The following SV2B variants were observed in gnomAD, a reference collection of about 807,000 sequenced individuals.
SV2B encodes synaptic vesicle glycoprotein 2B, also known as solute carrier family 22 member B2.
In SV2B, 41 loss-of-function variants were observed where a neutral mutation model predicts 73.9. That is an observed-to-expected ratio of 0.56 (90% confidence interval 0.43 to 0.72). The LOEUF (loss-of-function observed/expected upper bound fraction) is 0.72, where lower values mean the gene tolerates loss of function less well. Ranked by LOEUF, SV2B falls within the 30% of genes least tolerant of loss-of-function variation. SV2B has a pLI of 0.00. For synonymous variants in SV2B, 314 were observed against 314.2 expected, an observed-to-expected ratio of 1.00 and a Z score of 0.01; for missense variants, 764 against 857.8, an observed-to-expected ratio of 0.89 and a Z score of 1.37.
At chr15:91,262,212 A>G (rs2047932375) in intron 6 of SV2B, among the ~76,000 whole-genome samples, 2 of 152,190 alleles carry the variant, frequency 1.3e-5, no homozygotes, top group Admixed American at 1.3e-4. Context: ...GGATAATCAT[A>G]TCTATATATG....
intron 9 of SV2B, among the ~76,000 whole-genome samples, chr15:91,275,046 A>G (rs1567422724): frequency 6.6e-6 from 1 of 152,030 alleles, no homozygotes; most frequent in Non-Finnish European, 1.5e-5. Context: ...CTTGTAATTA[A>G]TATATAGTTA....
At chr15:91,194,385 A>C (rs2045164609) in intron 1 of SV2B, among the ~76,000 whole-genome samples, 1 of 152,166 alleles carries the variant, frequency 6.6e-6, no homozygotes, top group African/African-American at 2.4e-5. Flanking sequence ...TTTGGGCATA[A>C]TTGGGTTGCT....
intron 1 of SV2B, chr15:91,102,246 T>C (rs1217942561): frequency 1.3e-5 from 2 of 152,212 alleles, no homozygotes; most frequent in Admixed American, 6.5e-5. Context: ...TACATGCGCC[T>C]ACATCATCAT....
In SV2B at chr15:91,224,601, G is replaced by A. The variant is rs2046316040; in HGVS notation, c.-391-1272G>A. Among the ~76,000 whole-genome samples the A allele has an allele frequency of 6.6e-6, 1 of 152,206 alleles. No individual in the cohort carries two copies. The highest frequency in any genetic ancestry group is 1.5e-5 in the Non-Finnish European group (1 of 68,034). ...GTGACAGTCCCTCGGGGTAGCATCT[G>A]GGAAGTATGAGGACATTGGAACGAG... On this transcript the variant is annotated intron_variant, in intron 1 of 12. Transcript: ENST00000394232. The surrounding 1 kb of genome is among the most constrained non-coding windows in gnomAD (Gnocchi z 4.9).
At chr15:91,244,651 G>A (rs749089691) in intron 2 of SV2B, among the ~76,000 whole-genome samples, 1 of 152,202 alleles carries the variant, frequency 6.6e-6, no homozygotes, top group Non-Finnish European at 1.5e-5. Context: ...ACCAAAGTGA[G>A]AGTTCTTTGT....
chr15:91,140,610 T>C lies in SV2B; in HGVS notation c.-392+40247T>C, dbSNP rs1241085466. 6.6e-6 allele frequency among the ~76,000 whole-genome samples: 1 copy of C among 152,220 alleles called. No individual in the cohort carries two copies. The highest frequency in any genetic ancestry group is 2.4e-5 in the African/African-American group (1 of 41,456). ...AGGAGTAGCCCATTGCTCTCCTCTT[T>C]GATCTCCTCCAACAGAGTGGAGAAC... is the stretch of plus-strand genomic sequence containing the variant. On this transcript the variant is annotated intron_variant, in intron 1 of 12. Coordinates refer to ENST00000394232, the MANE Select transcript of SV2B (RefSeq NM_001323032.3). The surrounding 1 kb of genome is among the most constrained non-coding windows in gnomAD (Gnocchi z 4.4).
intron 1 of SV2B, among the ~76,000 whole-genome samples, chr15:91,189,984 T>A (rs1481863646): frequency 2.0e-5 from 3 of 150,454 alleles, no homozygotes; most frequent in Admixed American, 2.0e-4. Flanking sequence ...CGAGACGCCA[T>A]CTCAAAAAAA....
chr15:91,163,879 G>A (rs897394070), intron 1 of SV2B, among the ~76,000 whole-genome samples: 1 of 152,170 alleles, frequency 6.6e-6, no homozygotes, highest in African/African-American at 2.4e-5. Context: ...TTTTCTTCTA[G>A]GGTTTTTATG....
At chr15:91,269,907 A>G (rs929975771) in intron 9 of SV2B, among the ~76,000 whole-genome samples, 3 of 152,124 alleles carry the variant, frequency 2.0e-5, no homozygotes, top group Non-Finnish European at 2.9e-5. Context: ...TACATCCCCT[A>G]CAGAGACAGT....
chr15:91,152,747 G>A (rs1596483564), intron 1 of SV2B, among the ~76,000 whole-genome samples: 1 of 152,232 alleles, frequency 6.6e-6, no homozygotes, highest in Admixed American at 6.5e-5. Context: ...GAAACAGAAA[G>A]GAAAGAGGTT....
At chr15:91,238,170 A>T (rs2141545808) in intron 2 of SV2B, among the ~76,000 whole-genome samples, 1 of 152,290 alleles carries the variant, frequency 6.6e-6, no homozygotes, top group Non-Finnish European at 1.5e-5. Context: ...GTCTTATATA[A>T]CCTGTTCCTT....
intron 1 of SV2B, among the ~76,000 whole-genome samples, chr15:91,164,878 G>A (rs1243460723): frequency 2.6e-5 from 4 of 152,198 alleles, no homozygotes; most frequent in East Asian, 1.9e-4. Context: ...GGTTATTTCC[G>A]TGATTGGGAT....
At position 91,220,421 on chromosome 15, in the gene SV2B, G is replaced by A. The variant is rs1358572782; in HGVS notation, c.-391-5452G>A. Among the ~76,000 whole-genome samples the A allele has an allele frequency of 1.3e-5, 2 of 152,252 alleles. No individual in the cohort carries two copies. Among genetic ancestry groups the A allele is most frequent in the Admixed American group, 1.3e-4 (2 of 15,286 alleles). ...AAGAGAATAGTGAATAGAAGATGCAGTGTTTCCCAAACTTACTTGCTCTTG... is the reference window on the plus strand; with the variant it reads ...AAGAGAATAGTGAATAGAAGATGCAATGTTTCCCAAACTTACTTGCTCTTG... On this transcript the variant is annotated intron_variant, in intron 1 of 12. Coordinates refer to ENST00000394232, the MANE Select transcript of SV2B (RefSeq NM_001323032.3). The surrounding 1 kb of genome is among the most constrained non-coding windows in gnomAD (Gnocchi z 4.1).
rs531495440 is a variant in SV2B, at chr15:91,250,255, G to T, written c.452-1564G>T. On this transcript the variant is annotated intron_variant, in intron 2 of 12. Coordinates refer to ENST00000394232, the MANE Select transcript of SV2B (RefSeq NM_001323032.3). The stretch of plus-strand genomic sequence containing the variant: ...GATACACCACATTAACATAATAATG[G>T]ATAAAAATCATATGATCATCTTAAT... Among the ~76,000 whole-genome samples, 3 of 152,224 alleles carry T rather than the reference G, an allele frequency of 2.0e-5. 1 individual carries two copies. In the South Asian group the frequency reaches 6.2e-4, roughly 32 times the overall value.
At position 91,122,744 on chromosome 15, in the gene SV2B, T is replaced by G. The variant is rs921023937; in HGVS notation, c.-392+22381T>G. On this transcript the variant is annotated intron_variant, in intron 1 of 12. Coordinates refer to ENST00000394232, the MANE Select transcript of SV2B (RefSeq NM_001323032.3). This position sits in a 1 kb window ranked among gnomAD's most constrained non-coding sequence, Gnocchi z 4.3. ...CTGGAGGATATTACATTAAATGAAA[T>G]ACGCCGGGCACAGAGAGACAAACAC... Among the ~76,000 whole-genome samples, 2 of 152,174 alleles carry G rather than the reference T, an allele frequency of 1.3e-5. No homozygotes were observed. The highest frequency in any genetic ancestry group is 4.8e-5 in the African/African-American group (2 of 41,436).
Position 91,295,924 on chromosome 15 carries a change from A to G in SV2B, c.*3372A>G, listed in dbSNP as rs564966420. 9 of 152,274 alleles carry G rather than the reference A, an allele frequency of 5.9e-5. No homozygotes were observed. The highest frequency in any genetic ancestry group is 2.2e-4 in the African/African-American group (9 of 41,554). 9.4% of individuals were successfully genotyped at this position (152,274 alleles called of 1,614,324 possible). A position where few individuals can be genotyped will look rare whatever the true frequency, so the allele number is the denominator to read the frequency against. On this transcript the variant is annotated 3_prime_UTR_variant, in exon 13 of 13. Coordinates refer to ENST00000394232, the MANE Select transcript of SV2B (RefSeq NM_001323032.3). ...TGAGCGGATATTAAATTGGCCATAA[A>G]CACCGAGTACGATGACCTTACAATC...
chr15:91,271,338 T>A (rs1055440270), intron 9 of SV2B, among the ~76,000 whole-genome samples: 1 of 152,178 alleles, frequency 6.6e-6, no homozygotes, highest in Non-Finnish European at 1.5e-5. Context: ...TGAGTAATAA[T>A]ATTGATAGTA....
intron 2 of SV2B, among the ~76,000 whole-genome samples, chr15:91,228,134 G>A (rs945204761): frequency 3.9e-5 from 6 of 152,110 alleles, no homozygotes; most frequent in Non-Finnish European, 8.8e-5. Context: ...AATTGTCCCT[G>A]GGGGCTCTTA....
At position 91,261,594 on chromosome 15, in the gene SV2B, G is replaced by A. The variant is rs1242671069; in HGVS notation, c.1008+1185G>A. Reference sequence around the variant, plus strand: ...GGAGTAGACTCCTAGAAATAAAAGTGCTGGCTCAGAGAGCTTGGATATTTT... The same window carrying A: ...GGAGTAGACTCCTAGAAATAAAAGTACTGGCTCAGAGAGCTTGGATATTTT... On this transcript the variant is annotated intron_variant, in intron 6 of 12. Coordinates refer to ENST00000394232, the MANE Select transcript of SV2B (RefSeq NM_001323032.3). The surrounding 1 kb of genome is among the most constrained non-coding windows in gnomAD (Gnocchi z 4.7). Among the ~76,000 whole-genome samples, 1 of 152,114 alleles carries A rather than the reference G, an allele frequency of 6.6e-6. No individual in the cohort carries two copies. The highest frequency in any genetic ancestry group is 1.5e-5 in the Non-Finnish European group (1 of 68,028).
Sources: gnomAD v4.1 joint callset for allele counts (sites outside exome capture counted in the v4.1 genomes callset) on GRCh38, gnomAD v4.1.1 for gene constraint, Gnocchi (gnomAD v3.1) non-coding constraint, MANE v1.5 for transcripts, NCBI Gene and HGNC (gene_info 2026-07-23, HGNC 2026-07-21) for gene names.